Variants in HOOK1 observed in about 807,000 individuals in gnomAD.
HOOK1 encodes the protein hook microtubule tethering protein 1.
In HOOK1, 60 loss-of-function variants were observed where a neutral mutation model predicts 112.8. That is an observed-to-expected ratio of 0.53 (90% CI 0.43 to 0.66). The LOEUF (loss-of-function observed/expected upper bound fraction) is 0.66. Ranked by LOEUF, HOOK1 falls within the 30% of genes least tolerant of loss-of-function variation. The pLI is 0.00. For missense variants in HOOK1, 770 were observed against 856.0 expected (o/e 0.90, Z 1.25); for synonymous variants, 294 against 283.8 (o/e 1.04, Z -0.36).
chr1:59,825,346 G>A (rs1453991895), intron 2 of HOOK1, among the ~76,000 whole-genome samples: 1 of 152,176 alleles, frequency 6.6e-6, no homozygotes, highest in Middle Eastern at 3.2e-3. Context: ...TAACCTCTCT[G>A]TTCCTATTGT....
chr1:59,855,601 G>T (rs1411224121), intron 12 of HOOK1, among the ~76,000 whole-genome samples: 1 of 151,858 alleles, frequency 6.6e-6, no homozygotes, highest in African/African-American at 2.4e-5. Context: ...ACATTTGCAT[G>T]CATGTGCTAC....
intron 20 of HOOK1, among the ~76,000 whole-genome samples, chr1:59,869,257 T>G (rs1298969575): frequency 6.6e-6 from 1 of 151,996 alleles, no homozygotes; most frequent in East Asian, 1.9e-4. Flanking sequence ...AGTGGCGTAA[T>G]CTCAGCTCAC....
chr1:59,823,727 G>C (rs1383532521), intron 2 of HOOK1, among the ~76,000 whole-genome samples: 3 of 152,206 alleles, frequency 2.0e-5, no homozygotes, highest in Non-Finnish European at 2.9e-5. Context: ...GTTTGGAGTA[G>C]AGTCAGTAAA....
intron 19 of HOOK1, among the ~76,000 whole-genome samples, chr1:59,867,895 T>A (rs899790467): frequency 1.2e-4 from 18 of 152,304 alleles, no homozygotes; most frequent in South Asian, 2.1e-4. Flanking sequence ...TTGATTTTTT[T>A]AAAAATTCTC....
Position 59,843,668 on chromosome 1 carries a change from TA to T in HOOK1, c.788+72del, listed in dbSNP as rs569697215. The T allele has an allele frequency of 6.3e-5, 75 of 1,185,434 alleles. No individual in the cohort carries two copies. The East Asian group carries it at 1.6e-3, about 25-fold the overall frequency. The allele number at this position is 1,185,434 out of a possible 1,614,324, so 73.4% of individuals were successfully genotyped here. On this transcript the variant is annotated intron_variant, in intron 9 of 21. Coordinates refer to ENST00000371208, the MANE Select transcript of HOOK1 (RefSeq NM_015888.6). Reference sequence around the variant, plus strand: ...TACCAGTAGCAAAAAGTCACAGTATTAACAGCTAATTACTAAGCATTGTTAA... The same window carrying T: ...TACCAGTAGCAAAAAGTCACAGTATTACAGCTAATTACTAAGCATTGTTAA...
chr1:59,859,923 A>G (rs968016204), intron 14 of HOOK1, among the ~76,000 whole-genome samples: 2 of 152,160 alleles, frequency 1.3e-5, no homozygotes, highest in Non-Finnish European at 2.9e-5. Flanking sequence ...TTAATGATTT[A>G]TAGCATAATC....
intron 15 of HOOK1, among the ~76,000 whole-genome samples, chr1:59,862,316 T>C (rs1000457927): frequency 9.2e-5 from 14 of 152,268 alleles, no homozygotes; most frequent in African/African-American, 3.4e-4. Flanking sequence ...CACATTAGAA[T>C]CTGAGTTAGT....
intron 12 of HOOK1, among the ~76,000 whole-genome samples, chr1:59,856,614 T>C (rs2098410922): frequency 6.6e-6 from 1 of 152,146 alleles, no homozygotes; most frequent in South Asian, 2.1e-4. Flanking sequence ...TTGTTGTTGC[T>C]GTTTGTTTTT....
Position 59,815,156 on chromosome 1 carries a change from C to G in HOOK1, c.39C>G (p.Pro13=). 6.5e-7 allele frequency: 1 copy of G among 1,543,790 alleles called. No individual in the cohort carries two copies. Among genetic ancestry groups the G allele is most frequent in the Non-Finnish European group, 8.7e-7 (1 of 1,146,562 alleles). ...ETQPPPQPKL[P]LCDSLMIWLQ... ...AGCCGCCGCCGCAGCCTAAGCTGCC[C>G]CTGTGCGACAGCCTCATGATCTGGG... The change falls in exon 1 of 22, where the codon CCC becomes CCG. Residue 13 remains proline (P), a synonymous_variant. Transcript: ENST00000371208.
At chr1:59,820,079 C>T (rs1351736638) in intron 1 of HOOK1, among the ~76,000 whole-genome samples, 1 of 152,178 alleles carries the variant, frequency 6.6e-6, no homozygotes, top group East Asian at 1.9e-4. Flanking sequence ...TTCCTTATTA[C>T]TTTTCAGTGA....
At chr1:59,872,746 A>G (rs1644075299) in intron 21 of HOOK1, 49 bp from the exon 22 acceptor site, 1 of 1,272,548 alleles carries the variant, frequency 7.9e-7, no homozygotes, top group African/African-American at 1.5e-5. Flanking sequence ...GCACTCGGCA[A>G]ACTCTGTTTA....
At chr1:59,835,818 C>T (rs112376424) in intron 6 of HOOK1, among the ~76,000 whole-genome samples, 4,849 of 152,052 alleles carry the variant, frequency 0.032, 133 homozygotes, top group Admixed American at 0.087. Flanking sequence ...GTTTTTGCTC[C>T]TATGAGAATC....
At chr1:59,870,175 C>A (rs1644033271) in intron 20 of HOOK1, among the ~76,000 whole-genome samples, 1 of 152,156 alleles carries the variant, frequency 6.6e-6, no homozygotes, top group Non-Finnish European at 1.5e-5. Context: ...AAAATATACA[C>A]CATCATTGAT....
At chr1:59,853,407 A>G (rs1280074775) in intron 12 of HOOK1, among the ~76,000 whole-genome samples, 1 of 151,966 alleles carries the variant, frequency 6.6e-6, no homozygotes, top group African/African-American at 2.4e-5. Context: ...ATGTTAGTAT[A>G]GCCCTGTATC....
intron 20 of HOOK1, among the ~76,000 whole-genome samples, chr1:59,868,778 T>A (rs1644010536): frequency 1.3e-5 from 2 of 152,194 alleles, no homozygotes; most frequent in South Asian, 4.1e-4. Context: ...AACAAACTTA[T>A]TAATAGTGGA....
At chr1:59,844,516 C>G (rs1178776201) in intron 9 of HOOK1, among the ~76,000 whole-genome samples, 1 of 151,802 alleles carries the variant, frequency 6.6e-6, no homozygotes, top group Non-Finnish European at 1.5e-5. Flanking sequence ...CTCTTGAGAT[C>G]TGGTAGTGTA....
Position 59,814,993 on chromosome 1 carries a change from G to C in HOOK1, c.-125G>C. The C allele has an allele frequency of 1.1e-6, 1 of 940,544 alleles. No homozygotes were observed. Among genetic ancestry groups the C allele is most frequent in the South Asian group, 1.5e-5 (1 of 66,804 alleles). The allele number at this position is 940,544 out of a possible 1,614,324, so 58.3% of individuals were successfully genotyped here. On this transcript the variant is annotated 5_prime_UTR_variant, in exon 1 of 22. Transcript: ENST00000371208. ...CAGCGCGAGGGTTCGCGCGTGAGCTGCGCGGGTCGGGCCTGGTACCGAGCT... is the reference window on the plus strand; with the variant it reads ...CAGCGCGAGGGTTCGCGCGTGAGCTCCGCGGGTCGGGCCTGGTACCGAGCT...
intron 7 of HOOK1, among the ~76,000 whole-genome samples, chr1:59,838,577 C>T (rs528307083): frequency 6.6e-6 from 1 of 151,946 alleles, no homozygotes; most frequent in East Asian, 1.9e-4. Flanking sequence ...TGTTTAAGTT[C>T]TTTGTAGATT....
chr1:59,836,492 A>G (rs1052300006), intron 6 of HOOK1, among the ~76,000 whole-genome samples: 2 of 152,200 alleles, frequency 1.3e-5, no homozygotes, highest in African/African-American at 4.8e-5. Context: ...TACTTTTAAA[A>G]TGACTTCTCA....
Sources: gnomAD v4.1 joint callset for allele counts (sites outside exome capture counted in the v4.1 genomes callset) on GRCh38, gnomAD v4.1.1 for gene constraint, MANE v1.5 for transcripts, NCBI Gene and HGNC (gene_info 2026-07-23, HGNC 2026-07-21) for gene names.